Variants in PPEF2 observed in about 807,000 individuals in gnomAD.
PPEF2 encodes serine/threonine-protein phosphatase with EF-hands 2.
Under a neutral mutation model 84.7 loss-of-function variants are expected in PPEF2, and 84 were observed. The observed-to-expected ratio is 0.99, with a 90% CI of 0.83 to 1.19. The LOEUF is 1.19. PPEF2 is among the 50% of genes most tolerant of loss of function. The probability of loss-of-function intolerance (pLI) is 0.00; values close to 1 mark genes in which losing one functional copy is unlikely to be tolerated. For missense variants in PPEF2, 924 were observed against 937.5 expected, an observed-to-expected ratio of 0.99 and a Z score of 0.19; for synonymous variants, 346 against 345.2, an observed-to-expected ratio of 1.00 and a Z score of -0.03.
chr4:75,869,512 C>T (rs1171970329), intron 13 of PPEF2, among the ~76,000 whole-genome samples: 3 of 152,010 alleles, frequency 2.0e-5, no homozygotes, highest in Non-Finnish European at 4.4e-5. Context: ...TGGATTGAAA[C>T]AAAAAGTAAA....
chr4:75,896,557 T>A (rs1725014750), intron 1 of PPEF2, among the ~76,000 whole-genome samples, 174 bp from the exon 2 acceptor site: 1 of 152,166 alleles, frequency 6.6e-6, no homozygotes, highest in Admixed American at 6.5e-5. Context: ...GGTCTCCCGT[T>A]TTCAACCTTT....
At chr4:75,867,203 A>G in intron 14 of PPEF2, 110 bp downstream of exon 14, 2 of 693,972 alleles carry the variant, frequency 2.9e-6, no homozygotes, top group East Asian at 2.8e-5. Flanking sequence ...GCCAAAGGGA[A>G]CTTTGGGTCA....
At chr4:75,882,790 G>C (rs1484055938) in intron 10 of PPEF2, 136 bp downstream of exon 10, 2 of 929,322 alleles carry the variant, frequency 2.2e-6, no homozygotes, top group Non-Finnish European at 3.2e-6. Flanking sequence ...ACTGTGCCCA[G>C]CCTCCATACT....
chr4:75,878,790 TA>T, intron 10 of PPEF2, among the ~76,000 whole-genome samples: 1 of 152,350 alleles, frequency 6.6e-6, no homozygotes, highest in Admixed American at 6.5e-5. Flanking sequence ...TTTATTATTA[TA>T]TTTTTTTAGA....
chr4:75,902,056 A>C (rs1326060070), intron 1 of PPEF2, among the ~76,000 whole-genome samples, 174 bp downstream of exon 1: 1 of 152,222 alleles, frequency 6.6e-6, no homozygotes, highest in East Asian at 1.9e-4. Flanking sequence ...CAGCACTTGA[A>C]GATCTCATCA....
At chr4:75,894,656 G>A (rs1724967301) in intron 2 of PPEF2, among the ~76,000 whole-genome samples, 1 of 152,176 alleles carries the variant, frequency 6.6e-6, no homozygotes, top group African/African-American at 2.4e-5. Flanking sequence ...ATGGGGATGA[G>A]AGTGAGTTCC....
chr4:75,889,910 A>G (rs1442879403), intron 5 of PPEF2, 47 bp downstream of exon 5: 9 of 1,596,166 alleles, frequency 5.6e-6, no homozygotes, highest in Non-Finnish European at 7.7e-6. Context: ...CTCCCTTCAC[A>G]CATTTCATGG....
chr4:75,896,945 C>T (rs1369465223), intron 1 of PPEF2, among the ~76,000 whole-genome samples: 2 of 152,130 alleles, frequency 1.3e-5, no homozygotes, highest in African/African-American at 2.4e-5. Context: ...AGTGCAGTGG[C>T]ACAATCTTGG....
In PPEF2 at chr4:75,871,112, G is replaced by T. The variant is rs534063170; in HGVS notation, c.1649+913C>A. The stretch of plus-strand genomic sequence containing the variant: ...TTTTTGTATTTTTAGTAGAGACAGG[G>T]TTTCACCATGTTGGCCAGGCCAGTC... On this transcript the variant is annotated intron_variant, in intron 13 of 16. Coordinates refer to ENST00000286719, the MANE Select transcript of PPEF2 (RefSeq NM_006239.3). Among the ~76,000 whole-genome samples the T allele has an allele frequency of 4.0e-4, 61 of 151,662 alleles. 1 individual carries two copies. In the East Asian group the frequency reaches 0.012, roughly 29 times the overall value.
intron 4 of PPEF2, 72 bp from the exon 5 acceptor site, chr4:75,890,204 T>A (rs1423277665): frequency 6.5e-7 from 1 of 1,539,668 alleles, no homozygotes; most frequent in East Asian, 2.3e-5. Context: ...TATAGAATAG[T>A]CCTTGGCTGG....
chr4:75,865,711 T>C (rs1724111193), intron 15 of PPEF2, among the ~76,000 whole-genome samples: 1 of 152,196 alleles, frequency 6.6e-6, no homozygotes, highest in African/African-American at 2.4e-5. Context: ...AATGGATGAA[T>C]TGCATGGTAT....
intron 16 of PPEF2, among the ~76,000 whole-genome samples, chr4:75,862,014 G>T (rs182093645): frequency 3.7e-4 from 56 of 151,412 alleles, no homozygotes; most frequent in African/African-American, 1.4e-3. Flanking sequence ...TGGGTATCAG[G>T]CTGGTCGCAG....
intron 4 of PPEF2, among the ~76,000 whole-genome samples, chr4:75,891,089 T>C (rs930943105): frequency 6.6e-6 from 1 of 151,354 alleles, no homozygotes; most frequent in African/African-American, 2.4e-5. Context: ...GTATCTGAGG[T>C]TCAATCACTT....
At chr4:75,889,619 T>C (rs188734251) in intron 5 of PPEF2, among the ~76,000 whole-genome samples, 1 of 152,364 alleles carries the variant, frequency 6.6e-6, no homozygotes, top group Admixed American at 6.5e-5. Flanking sequence ...GCCTCCCCGA[T>C]GGAATGCCAG....
Position 75,893,850 on chromosome 4 carries a change from C to A in PPEF2, c.56-1872G>T, listed in dbSNP as rs577036965. Among the ~76,000 whole-genome samples the A allele has an allele frequency of 5.9e-4, 70 of 119,556 alleles. No homozygotes were observed. In the East Asian group the frequency reaches 0.047, roughly 80 times the overall value. The allele number at this position is 119,556 out of a possible 152,430, so 78.4% of individuals were successfully genotyped here. On this transcript the variant is annotated intron_variant, in intron 2 of 16. Coordinates refer to ENST00000286719, the MANE Select transcript of PPEF2 (RefSeq NM_006239.3). ...ACTCAGGCAGCAGAAGTGGGCAACA[C>A]CTTTCATTCTCCCTCTTTTTTTCTT...
intron 15 of PPEF2, among the ~76,000 whole-genome samples, chr4:75,865,847 G>C (rs1724116979): frequency 6.6e-6 from 1 of 152,212 alleles, no homozygotes; most frequent in African/African-American, 2.4e-5. Flanking sequence ...TGGTGTTGAA[G>C]AAAGAAAATG....
Position 75,876,614 on chromosome 4 carries a change from C to T in PPEF2, c.993G>A (p.Lys331=). Residue 331 remains lysine, a synonymous_variant, in exon 11 of 17, where the codon AAG becomes AAA. Coordinates refer to ENST00000286719, the MANE Select transcript of PPEF2 (RefSeq NM_006239.3). ...CAGAGCTCTTCTGGTTGGCTCTTCT[C>T]TTCTCCTCCATCTGCTTCTCACTCT... The part of the protein sequence containing the change: ...RQKSEKQMEE[K]RRANQKSSAQ... 1 of 1,601,666 alleles carries T rather than the reference C, an allele frequency of 6.2e-7. No homozygotes were observed. Among genetic ancestry groups the T allele is most frequent in the Non-Finnish European group, 8.5e-7 (1 of 1,174,570 alleles).
intron 1 of PPEF2, among the ~76,000 whole-genome samples, chr4:75,899,671 A>G (rs1012510271): frequency 6.6e-6 from 1 of 152,188 alleles, no homozygotes; most frequent in Non-Finnish European, 1.5e-5. Context: ...CAACCAGAGG[A>G]AAAAAGACTG....
chr4:75,879,440 C>A (rs1157148779), intron 10 of PPEF2, among the ~76,000 whole-genome samples: 1 of 152,132 alleles, frequency 6.6e-6, no homozygotes, highest in Non-Finnish European at 1.5e-5. Flanking sequence ...AAATGTAGCT[C>A]ATTTACTATT....
Sources: gnomAD v4.1 joint callset for allele counts (sites outside exome capture counted in the v4.1 genomes callset) on GRCh38, gnomAD v4.1.1 for gene constraint, MANE v1.5 for transcripts, NCBI Gene and HGNC (gene_info 2026-07-23, HGNC 2026-07-21) for gene names.